Variants in SAGE1 observed in about 807,000 individuals in gnomAD.
The protein encoded by SAGE1 is sarcoma antigen 1.
Under a neutral mutation model 55.4 loss-of-function variants are expected in SAGE1, and 55 were observed. That is an observed-to-expected ratio of 0.99 (90% CI 0.80 to 1.24). The LOEUF (loss-of-function observed/expected upper bound fraction) is 1.24. Among genes scored for constraint, SAGE1 ranks in the 50% most tolerant of loss-of-function variants. The probability of loss-of-function intolerance (pLI) is 0.00; values close to 1 mark genes in which losing one functional copy is unlikely to be tolerated. For synonymous variants in SAGE1, 240 were observed against 244.3 expected (o/e 0.98, Z 0.17); for missense variants, 710 against 704.4 (o/e 1.01, Z -0.09).
At chrX:135,900,566 A>C (rs1479935958) in intron 2 of SAGE1, among the ~76,000 whole-genome samples, 4 of 110,954 alleles carry the variant, frequency 3.6e-5, no homozygotes, top group African/African-American at 1.3e-4. Flanking sequence ...TAGTAATATT[A>C]CCAGCTCTTC....
chrX:135,910,663 T>G, intron 16 of SAGE1, 108 bp downstream of exon 16: 1 of 737,609 alleles, frequency 1.4e-6, no homozygotes, highest in Non-Finnish European at 2.1e-6. Flanking sequence ...AGCCTCAGTT[T>G]GAGGGGTATC....
chrX:135,908,396 CTG>C, intron 11 of SAGE1, 79 bp from the exon 12 acceptor site: 1 of 1,083,466 alleles, frequency 9.2e-7, no homozygotes, highest in Non-Finnish European at 1.2e-6. Context: ...TTCCTAGAAA[CTG>C]AGCATCAGAG....
chrX:135,908,821 A>G (rs1158306358), intron 12 of SAGE1, 43 bp from the exon 13 acceptor site: 4 of 1,193,596 alleles, frequency 3.4e-6, no homozygotes, highest in African/African-American at 1.8e-5. Context: ...GGGTTGACAT[A>G]ATGCACGTAC....
intron 13 of SAGE1, 33 bp from the exon 14 acceptor site, chrX:135,909,606 C>T (rs782381163): frequency 4.0e-5 from 46 of 1,158,149 alleles, no homozygotes; most frequent in Non-Finnish European, 4.9e-5. Context: ...AATGCACTTA[C>T]GTCACAAGTC....
rs141587396 is a variant in SAGE1, at chrX:135,904,512, A to C, written c.256A>C (p.Ile86Leu). ...CACTCACAGCATTTGTGAAGAGAGG[A>C]TAAATAACGGCCAACCAGTAGCTGA... is the stretch of plus-strand genomic sequence containing the variant. ...AVTHSICEER[I>L]NNGQPVADNV... The change falls in exon 4 of 20, where the codon ATA (isoleucine) becomes CTA (leucine). Residue 86 changes from isoleucine (I) to leucine (L), a missense_variant. Ile to Leu is a conservative substitution (Grantham distance 5). Transcript: ENST00000370709. The C allele has an allele frequency of 6.6e-6, 8 of 1,205,204 alleles. No homozygotes were observed. In the African/African-American group the frequency reaches 1.2e-4, roughly 19 times the overall value.
At chrX:135,902,331 A>G (rs1198021480) in intron 3 of SAGE1, among the ~76,000 whole-genome samples, 1 of 111,876 alleles carries the variant, frequency 8.9e-6, no homozygotes, top group Non-Finnish European at 1.9e-5. Flanking sequence ...CTCAAATACG[A>G]CTACACTCGC....
rs1305822791 is a variant in SAGE1 at position 135,904,448 on chromosome X, A to G, written c.221-29A>G. On this transcript the variant is annotated intron_variant, in intron 3 of 19. Coordinates refer to ENST00000370709, the MANE Select transcript of SAGE1 (RefSeq NM_001381902.1). ...GCCATTGACATAATGCACTTACCTC[A>G]CAGCTCAACCACTTCATTTGGTTTC... 2.1e-5 allele frequency: 22 copies of G among 1,068,891 alleles called. No individual in the cohort carries two copies. The Admixed American group carries it at 4.3e-4, about 21-fold the overall frequency. 88.1% of individuals were successfully genotyped at this position (1,068,891 alleles called of 1,213,427 possible). A position where few individuals can be genotyped will look rare whatever the true frequency, so the allele number is the denominator to read the frequency against.
chrX:135,902,130 T>C (rs1556597155), intron 3 of SAGE1, among the ~76,000 whole-genome samples: 1 of 111,677 alleles, frequency 9.0e-6, no homozygotes, highest in Non-Finnish European at 1.9e-5. Context: ...TTTCCTTCTC[T>C]TTTTTGTTTT....
Position 135,911,255 on chromosome X carries a change from A to T in SAGE1, c.2069A>T (p.Asn690Ile), listed in dbSNP as rs147695949. The change falls in exon 17 of 20, where the codon AAC becomes ATC. Residue 690 changes from asparagine to isoleucine, a missense_variant. Physicochemically the swap from Asn to Ile is moderately radical, Grantham distance 149. Coordinates refer to ENST00000370709, the MANE Select transcript of SAGE1 (RefSeq NM_001381902.1). ...KMTNGQQAPD[N>I]SLSTVPPGCI... Reference sequence around the variant, plus strand: ...ACAAATGGCCAACAGGCACCTGATAACTCCTTGTCAACGGTTCCACCTGGT... The same window carrying T: ...ACAAATGGCCAACAGGCACCTGATATCTCCTTGTCAACGGTTCCACCTGGT... 8.3e-4 allele frequency: 1,001 copies of T among 1,205,948 alleles called. 5 individuals carry two copies. The African/African-American group carries it at 0.014, about 17-fold the overall frequency.
intron 3 of SAGE1, among the ~76,000 whole-genome samples, chrX:135,903,320 G>C (rs1454343434): frequency 3.5e-5 from 4 of 112,745 alleles, no homozygotes; most frequent in Non-Finnish European, 7.5e-5. Context: ...CTCTGCTGCT[G>C]TCTCCCACAG....
intron 16 of SAGE1, among the ~76,000 whole-genome samples, chrX:135,910,823 A>G (rs938077424): frequency 6.3e-5 from 7 of 111,019 alleles, no homozygotes; most frequent in Admixed American, 1.9e-4. Context: ...GTTACTCACC[A>G]TGTCCGTGGA....
Position 135,912,361 on chromosome X carries a change from A to T in SAGE1, c.2562A>T (p.Gly854=). ...TCATTTTGCTTGAAGAGGTACAAGG[A>T]TCTATGAAAGTCAAGAGACAATTTG... ...RIFILLEEVQ[G]SMKVKRQFVE... The change falls in exon 19 of 20, where the codon GGA becomes GGT. Residue 854 remains glycine (G), a synonymous_variant. Coordinates refer to ENST00000370709, the MANE Select transcript of SAGE1 (RefSeq NM_001381902.1). 3.3e-6 allele frequency: 4 copies of T among 1,203,715 alleles called. No individual in the cohort carries two copies. In the South Asian group the frequency reaches 7.3e-5, roughly 22 times the overall value.
chrX:135,906,049 T>A lies in SAGE1; in HGVS notation c.480T>A (p.Arg160=). The A allele has an allele frequency of 1.7e-6, 2 of 1,207,975 alleles. No homozygotes were observed. Among genetic ancestry groups the A allele is most frequent in the Non-Finnish European group, 2.2e-6 (2 of 893,153 alleles). ...DLHSTVTHNI[R]EERMENGQPQ... ...ATTCTACCGTCACTCACAATATCCG[T>A]GAAGAGAGAATGGAAAATGGCCAAC... The change falls in exon 6 of 20, where the codon CGT becomes CGA. Residue 160 remains arginine, a synonymous_variant. Transcript: ENST00000370709.
At chrX:135,900,677 T>C (rs1556596023) in intron 2 of SAGE1, among the ~76,000 whole-genome samples, 1 of 111,360 alleles carries the variant, frequency 9.0e-6, no homozygotes, top group African/African-American at 3.3e-5. Context: ...CATGTTTTAT[T>C]TACCACTAAC....
intron 2 of SAGE1, among the ~76,000 whole-genome samples, chrX:135,898,581 A>G (rs1480450665): frequency 2.7e-5 from 3 of 111,848 alleles, no homozygotes; most frequent in African/African-American, 9.8e-5. Flanking sequence ...TGTCATCCAC[A>G]TGGTTGAAGT....
At position 135,908,721 on chromosome X, in the gene SAGE1, A is replaced by G. The variant is rs1326280927; in HGVS notation, c.1441+104A>G. 6.8e-6 allele frequency: 7 copies of G among 1,034,212 alleles called. No individual in the cohort carries two copies. The African/African-American group carries it at 1.3e-4, about 20-fold the overall frequency. The allele number at this position is 1,034,212 out of a possible 1,213,427, so 85.2% of individuals were successfully genotyped here. Reference sequence around the variant, plus strand: ...TTGTGAATTATCTTTCCTGGCCTCAATTTGAGGGGCCTCAGATCATCATAT... The same window carrying G: ...TTGTGAATTATCTTTCCTGGCCTCAGTTTGAGGGGCCTCAGATCATCATAT... On this transcript the variant is annotated intron_variant, in intron 12 of 19. Coordinates refer to ENST00000370709, the MANE Select transcript of SAGE1 (RefSeq NM_001381902.1).
chrX:135,899,090 T>A (rs781919842), intron 2 of SAGE1, among the ~76,000 whole-genome samples: 57 of 112,263 alleles, frequency 5.1e-4, no homozygotes, highest in Non-Finnish European at 1.1e-3. Flanking sequence ...CTGAATAGTA[T>A]TGCCTATTTT....
Position 135,907,375 on chromosome X carries a change from A to G in SAGE1, c.940A>G (p.Asn314Asp). The change falls in exon 9 of 20, where the codon AAC becomes GAC. Residue 314 changes from asparagine (N) to aspartate (D), a missense_variant. Physicochemically the swap from Asn to Asp is conservative, Grantham distance 23. Coordinates refer to ENST00000370709, the MANE Select transcript of SAGE1 (RefSeq NM_001381902.1). Reference protein sequence around the residue: ...KMENDQPQPNNVLSTVQPVII... With the variant: ...KMENDQPQPNDVLSTVQPVII... ...GGAAAATGACCAACCGCAACCTAATAACGTATTGTCAACTGTTCAACCAGT... is the reference window on the plus strand; with the variant it reads ...GGAAAATGACCAACCGCAACCTAATGACGTATTGTCAACTGTTCAACCAGT... 8.3e-7 allele frequency: 1 copy of G among 1,206,734 alleles called. No individual in the cohort carries two copies. Among genetic ancestry groups the G allele is most frequent in the East Asian group, 3.0e-5 (1 of 33,806 alleles).
rs782711521 is a variant in SAGE1, at chrX:135,906,472, T to C, written c.657T>C (p.Asp219=). Residue 219 remains aspartate, a synonymous_variant, in exon 7 of 20, where the codon GAT becomes GAC. Coordinates refer to ENST00000370709, the MANE Select transcript of SAGE1 (RefSeq NM_001381902.1). ...TGGAAAATGTCCAACCAGCACCTGA[T>C]AACGTGTTGTTGACTCTTCGACCAC... is the stretch of plus-strand genomic sequence containing the variant. ...QKMENVQPAP[D]NVLLTLRPRR... is the part of the protein sequence containing the mutation. The C allele has an allele frequency of 1.7e-6, 2 of 1,210,122 alleles. No homozygotes were observed. The highest frequency in any genetic ancestry group is 2.2e-6 in the Non-Finnish European group (2 of 893,726).
Sources: gnomAD v4.1 joint callset for allele counts (sites outside exome capture counted in the v4.1 genomes callset) on GRCh38, gnomAD v4.1.1 for gene constraint, MANE v1.5 for transcripts, NCBI Gene and HGNC (gene_info 2026-07-23, HGNC 2026-07-21) for gene names.